PCDHGA2: variants seen among roughly 807,000 people sequenced by gnomAD.
PCDHGA2 encodes protocadherin gamma-A2.
A neutral mutation model predicts 59.2 loss-of-function variants in PCDHGA2; 40 were observed. The ratio of observed to expected loss-of-function variants is 0.68; its 90% CI spans 0.52 to 0.88. PCDHGA2 has a LOEUF of 0.88. PCDHGA2 is among the 40% of genes least tolerant of loss of function. The pLI is 0.00. For missense variants in PCDHGA2, 1,226 were observed against 1,204.0 expected, an observed-to-expected ratio of 1.02 and a Z score of -0.27; for synonymous variants, 560 against 526.0, an observed-to-expected ratio of 1.06 and a Z score of -0.89.
intron 1 of PCDHGA2, chr5:141,345,665 C>G: frequency 2.5e-6 from 4 of 1,614,246 alleles, no homozygotes; most frequent in Non-Finnish European, 3.4e-6. Context: ...CACTCAGCAG[C>G]AACGTGTCGC....
Position 141,476,278 on chromosome 5 carries a change from T to C in PCDHGA2, c.2425-18529T>C, listed in dbSNP as rs746655724. On this transcript the variant is annotated intron_variant, in intron 1 of 3. Transcript: ENST00000394576. The surrounding 1 kb of genome is among the most constrained non-coding windows in gnomAD (Gnocchi z 7.6). ...CTGTGGGCAACGTGGTCGCGAACCTTGGTTTGGATCTCGGTAGCCTCTCAG... is the reference window on the plus strand; with the variant it reads ...CTGTGGGCAACGTGGTCGCGAACCTCGGTTTGGATCTCGGTAGCCTCTCAG... The C allele has an allele frequency of 3.2e-5, 52 of 1,613,758 alleles. No homozygotes were observed. Among genetic ancestry groups the C allele is most frequent in the Non-Finnish European group, 4.2e-5 (49 of 1,179,958 alleles).
chr5:141,503,307 G>T (rs1042228003), intron 2 of PCDHGA2, among the ~76,000 whole-genome samples: 5 of 152,096 alleles, frequency 3.3e-5, no homozygotes, highest in African/African-American at 1.2e-4. Context: ...GCTCAAGAAA[G>T]AATTGTTGGA....
At chr5:141,345,042 G>C in intron 1 of PCDHGA2, 1 of 1,613,972 alleles carries the variant, frequency 6.2e-7, no homozygotes, top group Non-Finnish European at 8.5e-7. Context: ...TCTAGTCACG[G>C]TTCTGGATGT....
chr5:141,491,118 T>C lies in PCDHGA2; in HGVS notation c.2425-3689T>C, dbSNP rs1421005816. Reference sequence around the variant, plus strand: ...TGTTCCTCGTGTCTACACACACTGGTGAGGTGCGCACAGCCCGGGCCTTAC... The same window carrying C: ...TGTTCCTCGTGTCTACACACACTGGCGAGGTGCGCACAGCCCGGGCCTTAC... On this transcript the variant is annotated intron_variant, in intron 1 of 3. Coordinates refer to ENST00000394576, the MANE Select transcript of PCDHGA2 (RefSeq NM_018915.4). This position sits in a 1 kb window ranked among gnomAD's most constrained non-coding sequence, Gnocchi z 6.9. The C allele has an allele frequency of 1.2e-6, 2 of 1,613,926 alleles. No homozygotes were observed. Among genetic ancestry groups the C allele is most frequent in the African/African-American group, 2.7e-5 (2 of 74,890 alleles).
At chr5:141,502,300 TTCCTC>T (rs139569110) in intron 2 of PCDHGA2, among the ~76,000 whole-genome samples, 4,853 of 152,256 alleles carry the variant, frequency 0.032, 250 homozygotes, top group African/African-American at 0.11. Flanking sequence ...TGTCACGTCT[TTCCTC>T]TCCTTTAATC....
chr5:141,450,734 G>A (rs1365470415), intron 1 of PCDHGA2, among the ~76,000 whole-genome samples: 6 of 151,868 alleles, frequency 4.0e-5, no homozygotes, highest in South Asian at 2.1e-4. Context: ...TGATCCGCCC[G>A]CCTTGGCCTC....
At chr5:141,438,629 TATATATACAC>T (rs1412065186) in intron 1 of PCDHGA2, among the ~76,000 whole-genome samples, 590 of 47,950 alleles carry the variant, frequency 0.012, no homozygotes, top group African/African-American at 0.039. Flanking sequence ...TATATATATA[TATATATACAC>T]ACACACACAC....
intron 1 of PCDHGA2, among the ~76,000 whole-genome samples, chr5:141,380,756 T>C (rs777302606): frequency 2.0e-5 from 3 of 152,238 alleles, no homozygotes; most frequent in Non-Finnish European, 4.4e-5. Context: ...ACCAAGACAC[T>C]ATAAATTAAT....
intron 1 of PCDHGA2, chr5:141,364,438 G>T: frequency 6.2e-7 from 1 of 1,613,820 alleles, no homozygotes; most frequent in African/African-American, 1.3e-5. Flanking sequence ...ACTCGATGCC[G>T]GAGGAGCTGG....
chr5:141,423,760 G>GT, intron 1 of PCDHGA2: 1 of 279,664 alleles, frequency 3.6e-6, no homozygotes, highest in Non-Finnish European at 5.3e-6. Flanking sequence ...TGGGGGGGGG[G>GT]TGGGGCGGCA....
Position 141,489,361 on chromosome 5 carries a change from C to A in PCDHGA2, c.2425-5446C>A. ...TTACTCAGTGGTGGAGGAGTCTGAG[C>A]CGGGGACGCTGGTGGGGAATGTTGC... On this transcript the variant is annotated intron_variant, in intron 1 of 3. Transcript: ENST00000394576. This position sits in a 1 kb window ranked among gnomAD's most constrained non-coding sequence, Gnocchi z 4.5. 1 of 1,612,880 alleles carries A rather than the reference C, an allele frequency of 6.2e-7. No individual in the cohort carries two copies. The highest frequency in any genetic ancestry group is 8.5e-7 in the Non-Finnish European group (1 of 1,179,164).
At position 141,431,896 on chromosome 5, in the gene PCDHGA2, C is replaced by A. The variant is rs1292629023; in HGVS notation, c.2425-62911C>A. The A allele has an allele frequency of 6.2e-7, 1 of 1,613,940 alleles. No homozygotes were observed. The highest frequency in any genetic ancestry group is 1.3e-5 in the African/African-American group (1 of 74,924). On this transcript the variant is annotated intron_variant, in intron 1 of 3. Coordinates refer to ENST00000394576, the MANE Select transcript of PCDHGA2 (RefSeq NM_018915.4). This position sits in a 1 kb window ranked among gnomAD's most constrained non-coding sequence, Gnocchi z 4.8. Reference sequence around the variant, plus strand: ...TAAATGACCAAGATTCTGAGGAAAACGGACAGGTGATCTGTTTCATCCAAG... The same window carrying A: ...TAAATGACCAAGATTCTGAGGAAAAAGGACAGGTGATCTGTTTCATCCAAG...
Position 141,341,229 on chromosome 5 carries a change from A to C in PCDHGA2, c.2258A>C (p.Tyr753Ser), listed in dbSNP as rs755198049. ...VDGVRAFLQTYSHEVSLTADS... is the reference protein window; with the variant it reads ...VDGVRAFLQTSSHEVSLTADS... Reference sequence around the variant, plus strand: ...GGGGTTCGGGCTTTCCTGCAGACCTATTCCCACGAGGTCTCCCTCACTGCG... The same window carrying C: ...GGGGTTCGGGCTTTCCTGCAGACCTCTTCCCACGAGGTCTCCCTCACTGCG... The change falls in exon 1 of 4, where the codon TAT becomes TCT. Residue 753 changes from tyrosine to serine, a missense_variant. Tyr to Ser is a moderately radical substitution (Grantham distance 144). Coordinates refer to ENST00000394576, the MANE Select transcript of PCDHGA2 (RefSeq NM_018915.4). The C allele has an allele frequency of 6.2e-7, 1 of 1,614,218 alleles. No individual in the cohort carries two copies. Among genetic ancestry groups the C allele is most frequent in the South Asian group, 1.1e-5 (1 of 91,086 alleles).
intron 1 of PCDHGA2, chr5:141,362,449 C>G: frequency 6.2e-7 from 1 of 1,614,006 alleles, no homozygotes; most frequent in Non-Finnish European, 8.5e-7. Context: ...GAACATAACC[C>G]CGGAATTGGT....
intron 1 of PCDHGA2, among the ~76,000 whole-genome samples, chr5:141,430,247 G>T (rs1003479541): frequency 9.7e-6 from 1 of 102,928 alleles, no homozygotes; most frequent in Non-Finnish European, 1.8e-5. Flanking sequence ...AACTCCTAGG[G>T]AGACATCTCC....
At chr5:141,364,509 C>T (rs1482984712) in intron 1 of PCDHGA2, 2 of 1,613,942 alleles carry the variant, frequency 1.2e-6, no homozygotes, top group South Asian at 1.1e-5. Flanking sequence ...CAGGAGCTGG[C>T]GGAGCGCGGA....
intron 1 of PCDHGA2, among the ~76,000 whole-genome samples, chr5:141,449,229 A>G (rs1356585763): frequency 1.3e-5 from 2 of 152,142 alleles, no homozygotes; most frequent in South Asian, 2.1e-4. Context: ...AATGATTTCA[A>G]ATTTTCAAAG....
intron 1 of PCDHGA2, chr5:141,360,621 T>A: frequency 6.2e-7 from 1 of 1,614,026 alleles, no homozygotes; most frequent in Non-Finnish European, 8.5e-7. Flanking sequence ...ATTCAGATGT[T>A]GGTCCTAACT....
At chr5:141,397,693 A>G (rs1389804077) in intron 1 of PCDHGA2, among the ~76,000 whole-genome samples, 2 of 152,244 alleles carry the variant, frequency 1.3e-5, no homozygotes, top group East Asian at 1.9e-4. Flanking sequence ...TTGTATAAAA[A>G]CCCAACGTGA....
Sources: allele counts gnomAD v4.1 joint callset (sites outside exome capture counted in the v4.1 genomes callset), GRCh38; gene constraint gnomAD v4.1.1; non-coding constraint Gnocchi (gnomAD v3.1); transcripts MANE v1.5; gene names NCBI Gene and HGNC (gene_info 2026-07-23, HGNC 2026-07-21).